The following GNA14 variants were observed in gnomAD, a reference collection of about 807,000 sequenced individuals.
GNA14 encodes guanine nucleotide-binding protein subunit alpha-14.
Under a neutral mutation model 42.0 loss-of-function variants are expected in GNA14, and 50 were observed. The ratio of observed to expected loss-of-function variants is 1.19; its 90% confidence interval spans 0.95 to 1.51. GNA14 has a LOEUF of 1.51. GNA14 is among the 40% of genes most tolerant of loss of function. GNA14 has a pLI of 0.00. For synonymous variants in GNA14, 173 were observed against 163.1 expected (o/e 1.06, Z -0.46); for missense variants, 473 against 446.2 (o/e 1.06, Z -0.54).
intron 1 of GNA14, among the ~76,000 whole-genome samples, chr9:77,640,240 G>C (rs1156567734): frequency 1.3e-5 from 2 of 152,162 alleles, no homozygotes. Flanking sequence ...AATCCTCTTT[G>C]AATTCCATGA....
chr9:77,466,085 A>C (rs1257380127), intron 2 of GNA14, among the ~76,000 whole-genome samples: 1 of 152,184 alleles, frequency 6.6e-6, no homozygotes, highest in African/African-American at 2.4e-5. Flanking sequence ...GTCTGGGTGA[A>C]TGCATATGGC....
chr9:77,635,620 T>C (rs774786957), intron 1 of GNA14, among the ~76,000 whole-genome samples: 12 of 152,236 alleles, frequency 7.9e-5, no homozygotes, highest in Admixed American at 1.3e-4. Flanking sequence ...CTTATGTCCA[T>C]ATAAATTAAC....
chr9:77,447,032 C>T (rs1276133014), intron 2 of GNA14, among the ~76,000 whole-genome samples: 3 of 151,340 alleles, frequency 2.0e-5, no homozygotes, highest in East Asian at 1.9e-4. Flanking sequence ...GGCACAATCT[C>T]GGCTCACTGC....
At chr9:77,638,253 C>G (rs1439474625) in intron 1 of GNA14, among the ~76,000 whole-genome samples, 1 of 152,152 alleles carries the variant, frequency 6.6e-6, no homozygotes, top group African/African-American at 2.4e-5. Context: ...TAGCACAGCC[C>G]CACTCTCACA....
chr9:77,628,399 C>A (rs189861834), intron 1 of GNA14, among the ~76,000 whole-genome samples: 1 of 152,186 alleles, frequency 6.6e-6, no homozygotes, highest in African/African-American at 2.4e-5. Context: ...TTAAATTTCA[C>A]ATGGAAGCAA....
intron 1 of GNA14, among the ~76,000 whole-genome samples, chr9:77,558,210 AAAG>A (rs1251652664): frequency 6.6e-6 from 1 of 152,230 alleles, no homozygotes; most frequent in Non-Finnish European, 1.5e-5. Context: ...GGTTCTTAAC[AAAG>A]AAGCATTTGG....
At chr9:77,537,239 A>C in intron 1 of GNA14, among the ~76,000 whole-genome samples, 1 of 150,842 alleles carries the variant, frequency 6.6e-6, no homozygotes, top group African/African-American at 2.4e-5. Context: ...TCCCAACCAC[A>C]CCCCCTTCCT....
chr9:77,591,971 G>T (rs1376564325), intron 1 of GNA14, among the ~76,000 whole-genome samples: 1 of 148,562 alleles, frequency 6.7e-6, no homozygotes, highest in African/African-American at 2.5e-5. Context: ...CTGGAGTGCA[G>T]TGGCGCGATC....
At chr9:77,579,048 G>A (rs1016016415) in intron 1 of GNA14, among the ~76,000 whole-genome samples, 3 of 152,278 alleles carry the variant, frequency 2.0e-5, no homozygotes, top group African/African-American at 7.2e-5. Context: ...ATTTAGCCAT[G>A]GGAGGCTGGC....
At chr9:77,481,180 G>A (rs1415034934) in intron 2 of GNA14, among the ~76,000 whole-genome samples, 1 of 151,972 alleles carries the variant, frequency 6.6e-6, no homozygotes, top group Non-Finnish European at 1.5e-5. Context: ...TCTCTTGTGG[G>A]CATTTAGTGC....
At chr9:77,630,731 G>A (rs1035104120) in intron 1 of GNA14, among the ~76,000 whole-genome samples, 4 of 151,952 alleles carry the variant, frequency 2.6e-5, no homozygotes, top group Admixed American at 6.6e-5. Flanking sequence ...CTTATATTCC[G>A]CTCTAATAAA....
chr9:77,424,128 T>G lies in GNA14; in HGVS notation c.919A>C (p.Lys307Gln). 1 of 1,612,932 alleles carries G rather than the reference T, an allele frequency of 6.2e-7. No individual in the cohort carries two copies. Among genetic ancestry groups the G allele is most frequent in the Non-Finnish European group, 8.5e-7 (1 of 1,179,364 alleles). The change falls in exon 7 of 7, where the codon AAG (lysine) becomes CAG (glutamine). Residue 307 changes from lysine (K) to glutamine (Q), a missense_variant. By Grantham distance (53) the Lys-to-Gln change is moderately conservative. Coordinates refer to ENST00000341700, the MANE Select transcript of GNA14 (RefSeq NM_004297.4). ...TCAGGATTCTGATCTTGGTAAAGCT[T>G]CAGGATAAAGTCTCTGGCAGCTCTG... ...DVRAARDFIL[K>Q]LYQDQNPDKE...
intron 5 of GNA14, among the ~76,000 whole-genome samples, chr9:77,428,235 C>T (rs1029883878): frequency 4.0e-5 from 6 of 151,892 alleles, no homozygotes; most frequent in Non-Finnish European, 5.9e-5. Flanking sequence ...CCCACCACCA[C>T]GCCCGGCTAA....
chr9:77,593,918 GAGTCTGAT>G (rs933493712), intron 1 of GNA14, among the ~76,000 whole-genome samples: 73 of 152,344 alleles, frequency 4.8e-4, no homozygotes, highest in African/African-American at 1.6e-3. Context: ...GAGCACACGA[GAGTCTGAT>G]CATACTGGAG....
chr9:77,608,810 CCAACATCCTTCTTT>C (rs1823683158), intron 1 of GNA14, among the ~76,000 whole-genome samples: 3 of 149,396 alleles, frequency 2.0e-5, no homozygotes, highest in Admixed American at 1.4e-4. Flanking sequence ...TGGCGATGGC[CCAACATCCTTCTTT>C]CAGTCACTCC....
At chr9:77,495,694 T>A (rs1836858304) in intron 2 of GNA14, among the ~76,000 whole-genome samples, 1 of 152,154 alleles carries the variant, frequency 6.6e-6, no homozygotes, top group Non-Finnish European at 1.5e-5. Flanking sequence ...TTATAATAAG[T>A]AAGAAACCAG....
rs1055619528 is a variant in GNA14, at chr9:77,597,499, T to C, written c.124+50171A>G. On this transcript the variant is annotated intron_variant, in intron 1 of 6. Transcript: ENST00000341700. ...CATGTTGAGGAACTTGATGAACAGC[T>C]TCTGCCCCAATTCAAATGATTCTTT... 9.9e-5 allele frequency among the ~76,000 whole-genome samples: 15 copies of C among 152,152 alleles called. No homozygotes were observed. The South Asian group carries it at 1.0e-3, about 11-fold the overall frequency.
chr9:77,541,426 T>C (rs951542405), intron 1 of GNA14, among the ~76,000 whole-genome samples: 3 of 152,316 alleles, frequency 2.0e-5, no homozygotes, highest in African/African-American at 7.2e-5. Context: ...GGGGTTCCTT[T>C]ATAGGTGACT....
intron 1 of GNA14, among the ~76,000 whole-genome samples, chr9:77,551,419 G>A (rs1837783906): frequency 6.6e-6 from 1 of 152,036 alleles, no homozygotes; most frequent in Non-Finnish European, 1.5e-5. Context: ...CCTGCCCCTT[G>A]GCCACCATGA....
Sources: allele counts gnomAD v4.1 joint callset (sites outside exome capture counted in the v4.1 genomes callset), GRCh38; gene constraint gnomAD v4.1.1; transcripts MANE v1.5; gene names NCBI Gene and HGNC (gene_info 2026-07-23, HGNC 2026-07-21).